The following NGEF variants were observed in gnomAD, a reference collection of about 807,000 sequenced individuals.
NGEF encodes neuronal guanine nucleotide exchange factor, also known as ephexin-1.
In NGEF, 31 loss-of-function variants were observed where a neutral mutation model predicts 80.9. The observed-to-expected ratio is 0.38, with a 90% CI of 0.29 to 0.52. NGEF has a LOEUF of 0.52. NGEF is among the 20% of genes least tolerant of loss of function. The probability of loss-of-function intolerance (pLI) is 0.84; values close to 1 mark genes in which losing one functional copy is unlikely to be tolerated. For missense variants in NGEF, 709 were observed against 926.2 expected, an observed-to-expected ratio of 0.77 and a Z score of 3.04; for synonymous variants, 371 against 370.2, an observed-to-expected ratio of 1.00 and a Z score of -0.03.
At chr2:232,885,226 C>T (rs373960079) in intron 10 of NGEF, 54 bp downstream of exon 10, 192 of 1,525,038 alleles carry the variant, frequency 1.3e-4, no homozygotes, top group Middle Eastern at 1.7e-4. Flanking sequence ...GCCTCTGGGG[C>T]GGGGCCAGGG....
intron 5 of NGEF, among the ~76,000 whole-genome samples, chr2:232,896,694 GGGGGTA>G (rs1692085371): frequency 4.4e-4 from 13 of 29,712 alleles, no homozygotes; most frequent in Admixed American, 7.7e-4. Context: ...GGATGGGGGT[GGGGGTA>G]GGGGTGGGGG....
intron 1 of NGEF, among the ~76,000 whole-genome samples, chr2:232,998,383 G>A (rs952220052): frequency 6.6e-6 from 1 of 152,186 alleles, no homozygotes; most frequent in African/African-American, 2.4e-5. Flanking sequence ...CAGGGGAGGT[G>A]GAGAGACTGC....
At chr2:232,962,855 T>C (rs11895995) in intron 3 of NGEF, among the ~76,000 whole-genome samples, 119,378 of 151,710 alleles carry the variant, frequency 0.79, 47,590 homozygotes, top group African/African-American at 0.91. Context: ...GTCAATGATC[T>C]CTTAATTTTT....
intron 1 of NGEF, among the ~76,000 whole-genome samples, chr2:233,012,021 A>G (rs1695217897): frequency 6.6e-6 from 1 of 152,166 alleles, no homozygotes; most frequent in African/African-American, 2.4e-5. Context: ...CTCAGAGCTA[A>G]GCAGTGCCAA....
chr2:232,908,374 T>C (rs1692622784), intron 5 of NGEF, among the ~76,000 whole-genome samples: 1 of 152,178 alleles, frequency 6.6e-6, no homozygotes, highest in African/African-American at 2.4e-5. Context: ...ACTCTTCTTA[T>C]CAGCTGTGTT....
At chr2:232,942,904 C>CTTTTT (rs60735452) in intron 3 of NGEF, among the ~76,000 whole-genome samples, 4 of 117,882 alleles carry the variant, frequency 3.4e-5, no homozygotes, top group East Asian at 5.1e-4. Flanking sequence ...AGTGAAATTT[C>CTTTTT]TTTTTTTTTT....
At chr2:232,888,822 A>G (rs1253966624) in intron 8 of NGEF, among the ~76,000 whole-genome samples, 3 of 152,186 alleles carry the variant, frequency 2.0e-5, no homozygotes. Context: ...CTCTTCTCCA[A>G]CTGTTCAATT....
rs563538631 is a variant in NGEF at position 232,980,041 on chromosome 2, A to G, written c.-74-5077T>C. On this transcript the variant is annotated intron_variant, in intron 1 of 14. Transcript: ENST00000264051. Reference sequence around the variant, plus strand: ...GTGCGGCAGGGGTCACACTACAGCTATCTGACTCATTTGTTGGGGGGACCT... The same window carrying G: ...GTGCGGCAGGGGTCACACTACAGCTGTCTGACTCATTTGTTGGGGGGACCT... Among the ~76,000 whole-genome samples the G allele has an allele frequency of 5.3e-5, 8 of 152,268 alleles. No individual in the cohort carries two copies. The East Asian group carries it at 1.5e-3, about 29-fold the overall frequency.
intron 5 of NGEF, among the ~76,000 whole-genome samples, chr2:232,909,010 C>CGTAACTGGTAGATAA (rs1692638145): frequency 6.6e-6 from 1 of 152,172 alleles, no homozygotes; most frequent in South Asian, 2.1e-4. Flanking sequence ...AGTAGGAAAC[C>CGTAACTGGTAGATAA]GTAACTGGTA....
In NGEF at chr2:232,958,857, A is replaced by G. The variant is rs1202604426; in HGVS notation, c.383+11357T>C. Among the ~76,000 whole-genome samples, 4 of 152,298 alleles carry G rather than the reference A, an allele frequency of 2.6e-5. No homozygotes were observed. In the East Asian group the frequency reaches 7.7e-4, roughly 29 times the overall value. ...CTTCAAGAGTTCTCATCTCACGGCC[A>G]GTCTTTCTTCTCCACTCCCACCCAC... On this transcript the variant is annotated intron_variant, in intron 3 of 14. Coordinates refer to ENST00000264051, the MANE Select transcript of NGEF (RefSeq NM_019850.3).
At chr2:232,934,633 A>G (rs952136475) in intron 3 of NGEF, among the ~76,000 whole-genome samples, 11 of 152,178 alleles carry the variant, frequency 7.2e-5, no homozygotes, top group African/African-American at 2.7e-4. Context: ...TTTGTTCTGA[A>G]TCATTCACAA....
At chr2:232,938,951 C>T (rs1436535771) in intron 3 of NGEF, among the ~76,000 whole-genome samples, 1 of 151,746 alleles carries the variant, frequency 6.6e-6, no homozygotes, top group African/African-American at 2.4e-5. Context: ...GAGGCCGAGG[C>T]AGGTGGATCA....
intron 3 of NGEF, among the ~76,000 whole-genome samples, chr2:232,929,380 T>A (rs1426751270): frequency 6.6e-6 from 1 of 152,146 alleles, no homozygotes; most frequent in African/African-American, 2.4e-5. Context: ...AGCATTAAGC[T>A]TTTTGCCTGG....
chr2:232,885,419 C>T (rs372706786), intron 9 of NGEF, 50 bp from the exon 10 acceptor site: 3 of 1,511,356 alleles, frequency 2.0e-6, no homozygotes, highest in Non-Finnish European at 2.8e-6. Flanking sequence ...GCTGTCCCGG[C>T]CCCTTCCTCC....
chr2:232,911,679 C>T (rs1003660728), intron 5 of NGEF, among the ~76,000 whole-genome samples: 7 of 152,174 alleles, frequency 4.6e-5, no homozygotes, highest in Admixed American at 6.5e-5. Flanking sequence ...TTTGATTTCT[C>T]TCCTCACTGA....
intron 1 of NGEF, among the ~76,000 whole-genome samples, chr2:232,993,489 G>A (rs1694715444): frequency 6.6e-6 from 1 of 151,892 alleles, no homozygotes; most frequent in Non-Finnish European, 1.5e-5. Flanking sequence ...AATGGTTGGG[G>A]CACTTTGGAA....
rs1398027822 is a variant in NGEF at position 232,885,120 on chromosome 2, G to A, written c.1437+160C>T. The A allele has an allele frequency of 1.4e-5, 9 of 630,772 alleles. No homozygotes were observed. The East Asian group carries it at 2.4e-4, about 17-fold the overall frequency. 39.1% of individuals were successfully genotyped at this position (630,772 alleles called of 1,614,324 possible). On this transcript the variant is annotated intron_variant, in intron 10 of 14. Transcript: ENST00000264051. Reference sequence around the variant, plus strand: ...GTGTCTGACGCCTGGTGGCAGGCGGGGTGGCTTCAGCTGGGGAGGTCAGGG... The same window carrying A: ...GTGTCTGACGCCTGGTGGCAGGCGGAGTGGCTTCAGCTGGGGAGGTCAGGG...
At chr2:232,888,137 TA>T (rs1286792339) in intron 8 of NGEF, 30 bp from the exon 9 acceptor site, 7 of 1,533,780 alleles carry the variant, frequency 4.6e-6, no homozygotes, top group Middle Eastern at 1.7e-4. Context: ...GCGTTAACTT[TA>T]ATCTTTTCTG....
intron 3 of NGEF, among the ~76,000 whole-genome samples, chr2:232,939,726 G>A (rs1002863805): frequency 6.6e-6 from 1 of 152,144 alleles, no homozygotes; most frequent in African/African-American, 2.4e-5. Context: ...GGCCGGGCAC[G>A]GTGGCTCATG....
Sources: gnomAD v4.1 joint callset for allele counts (sites outside exome capture counted in the v4.1 genomes callset) on GRCh38, gnomAD v4.1.1 for gene constraint, MANE v1.5 for transcripts, NCBI Gene and HGNC (gene_info 2026-07-23, HGNC 2026-07-21) for gene names.